The following GATAD2A variants were observed in gnomAD, a reference collection of about 807,000 sequenced individuals.
GATAD2A encodes the protein transcriptional repressor p66-alpha.
A neutral mutation model predicts 68.5 loss-of-function variants in GATAD2A; 12 were observed. The observed-to-expected ratio is 0.18, with a 90% CI of 0.11 to 0.28. The LOEUF (loss-of-function observed/expected upper bound fraction) is 0.28. GATAD2A is among the 10% of genes least tolerant of loss of function. The pLI is 1.00. For missense variants in GATAD2A, 755 were observed against 868.5 expected (o/e 0.87, Z 1.64); for synonymous variants, 410 against 375.3 (o/e 1.09, Z -1.07).
chr19:19,408,445 C>T (rs1230673639), intron 1 of GATAD2A, among the ~76,000 whole-genome samples: 1 of 152,078 alleles, frequency 6.6e-6, no homozygotes, highest in Non-Finnish European at 1.5e-5. Flanking sequence ...AGGATTTGTA[C>T]CAGAATGTCA....
At chr19:19,495,456 G>A (rs1188808080) in intron 5 of GATAD2A, among the ~76,000 whole-genome samples, 4 of 151,502 alleles carry the variant, frequency 2.6e-5, no homozygotes, top group Non-Finnish European at 5.9e-5. Context: ...CTACAGGCAC[G>A]TGCCACCACG....
At chr19:19,458,808 CCT>C (rs2057168377) in intron 1 of GATAD2A, among the ~76,000 whole-genome samples, 1 of 152,158 alleles carries the variant, frequency 6.6e-6, no homozygotes, top group African/African-American at 2.4e-5. Flanking sequence ...GCAGTGGTAT[CCT>C]CTCTCGGCCC....
At chr19:19,460,715 A>G (rs1231607497) in intron 1 of GATAD2A, among the ~76,000 whole-genome samples, 2 of 151,520 alleles carry the variant, frequency 1.3e-5, no homozygotes, top group Admixed American at 1.3e-4. Flanking sequence ...AAAGAAAGCA[A>G]CCCCCTCCGG....
intron 7 of GATAD2A, among the ~76,000 whole-genome samples, chr19:19,496,442 A>G (rs1341004432): frequency 6.6e-6 from 1 of 152,228 alleles, no homozygotes; most frequent in African/African-American, 2.4e-5. Flanking sequence ...TATCCAGCAC[A>G]GGTGGGCAGC....
intron 11 of GATAD2A, among the ~76,000 whole-genome samples, chr19:19,503,622 G>A (rs986895082): frequency 3.3e-5 from 5 of 151,040 alleles, no homozygotes; most frequent in African/African-American, 7.3e-5. Context: ...ATGTGGGCAC[G>A]GTGGTGGAAG....
rs756176097 is a variant in GATAD2A at position 19,501,191 on chromosome 19, G to A, written c.1278G>A (p.Thr426=). 42 of 1,613,474 alleles carry A rather than the reference G, an allele frequency of 2.6e-5. No homozygotes were observed. Among genetic ancestry groups the A allele is most frequent in the African/African-American group, 5.3e-5 (4 of 74,946 alleles). The change falls in exon 9 of 12, where the codon ACG becomes ACA. Residue 426 remains threonine, a synonymous_variant. Transcript: ENST00000683918. Reference sequence around the variant, plus strand: ...GTGCACAGTGCAAGACGGACTTCACGTGCCGCTGGCGGGAGGAGAAGAGCG... The same window carrying A: ...GTGCACAGTGCAAGACGGACTTCACATGCCGCTGGCGGGAGGAGAAGAGCG... ...YMCAQCKTDF[T]CRWREEKSGA...
intron 1 of GATAD2A, among the ~76,000 whole-genome samples, chr19:19,408,565 A>G (rs2050560540): frequency 6.6e-6 from 1 of 152,156 alleles, no homozygotes. Context: ...AACATGTTTT[A>G]AATACTCTAA....
intron 1 of GATAD2A, among the ~76,000 whole-genome samples, chr19:19,425,795 CT>C (rs368042391): frequency 0.014 from 2,048 of 143,004 alleles, 34 homozygotes; most frequent in African/African-American, 0.04. Context: ...CTTTTCTTTT[CT>C]TTTTTTTTTT....
chr19:19,404,608 G>A (rs1355988914), upstream of GATAD2A, among the ~76,000 whole-genome samples: 1 of 152,150 alleles, frequency 6.6e-6, no homozygotes, highest in Non-Finnish European at 1.5e-5. Flanking sequence ...GTGAACCTGG[G>A]AAGTGGAGGT....
At chr19:19,462,208 C>T (rs1355668155) in intron 1 of GATAD2A, among the ~76,000 whole-genome samples, 1 of 152,204 alleles carries the variant, frequency 6.6e-6, no homozygotes, top group East Asian at 1.9e-4. Context: ...TGGCCGCCAG[C>T]CCTGTTGTGC....
At chr19:19,457,877 C>G (rs1464040027) in intron 1 of GATAD2A, among the ~76,000 whole-genome samples, 2 of 152,160 alleles carry the variant, frequency 1.3e-5, no homozygotes, top group Non-Finnish European at 2.9e-5. Flanking sequence ...TCAGTTGTGC[C>G]TGTACCTTGT....
rs1232468560 is a variant in GATAD2A at position 19,495,856 on chromosome 19, G to T, written c.727G>T (p.Val243Phe). 1 of 1,613,282 alleles carries T rather than the reference G, an allele frequency of 6.2e-7. No individual in the cohort carries two copies. The highest frequency in any genetic ancestry group is 2.2e-5 in the East Asian group (1 of 44,850). Residue 243 changes from valine to phenylalanine, a missense_variant, in exon 6 of 12, where the codon GTC becomes TTC. Val to Phe is a conservative substitution (Grantham distance 50). Transcript: ENST00000683918. ...KLGPQASSQV[V>F]MPPLVRGAQQ... ...GGGGCCACAGGCGAGCTCACAGGTC[G>T]TCATGCCCCCACTCGTCAGGGGGGC...
chr19:19,388,185 G>A (rs1315417843), intron 1 of GATAD2A, among the ~76,000 whole-genome samples: 2 of 151,912 alleles, frequency 1.3e-5, no homozygotes, highest in Non-Finnish European at 2.9e-5. Context: ...AGCCTCCTGA[G>A]CAGCTGGGAT....
At chr19:19,451,500 C>T (rs779523834) in intron 1 of GATAD2A, among the ~76,000 whole-genome samples, 3 of 152,214 alleles carry the variant, frequency 2.0e-5, no homozygotes, top group Admixed American at 6.5e-5. Context: ...TCTCTGGAAG[C>T]TGACATTACC....
intron 1 of GATAD2A, among the ~76,000 whole-genome samples, chr19:19,447,332 G>A (rs2055846176): frequency 6.6e-6 from 1 of 152,148 alleles, no homozygotes; most frequent in East Asian, 1.9e-4. Flanking sequence ...CGGGCACAGG[G>A]GTGGCTGGAT....
chr19:19,461,384 G>A (rs751704809), intron 1 of GATAD2A, among the ~76,000 whole-genome samples: 1 of 152,202 alleles, frequency 6.6e-6, no homozygotes, highest in East Asian at 1.9e-4. Flanking sequence ...CTGGCCTGGT[G>A]TGCCAGAAGT....
intron 1 of GATAD2A, among the ~76,000 whole-genome samples, chr19:19,433,594 T>G (rs34498230): frequency 0.055 from 8,346 of 152,298 alleles, 334 homozygotes; most frequent in Non-Finnish European, 0.079. Flanking sequence ...TCTTTTTTTT[T>G]GTTTTGAGAT....
chr19:19,435,883 G>C (rs2054283038), intron 1 of GATAD2A, among the ~76,000 whole-genome samples: 1 of 152,190 alleles, frequency 6.6e-6, no homozygotes, highest in African/African-American at 2.4e-5. Flanking sequence ...GTCACCATCT[G>C]TATTGGTGAA....
At chr19:19,497,398 CCCGTGAACTTTTAT>C (rs2148451116) in intron 7 of GATAD2A, among the ~76,000 whole-genome samples, 1 of 152,362 alleles carries the variant, frequency 6.6e-6, no homozygotes, top group East Asian at 1.9e-4. Context: ...ATCCTGCCCA[CCCGTGAACTTTTAT>C]CCAGTCCTTT....
Sources: allele counts gnomAD v4.1 joint callset (sites outside exome capture counted in the v4.1 genomes callset), GRCh38; gene constraint gnomAD v4.1.1; transcripts MANE v1.5; gene names NCBI Gene and HGNC (gene_info 2026-07-23, HGNC 2026-07-21).